Variants in UNC45B observed in about 807,000 individuals in gnomAD.
The protein encoded by UNC45B is unc-45 myosin chaperone B, also known as protein unc-45 homolog B.
Under a neutral mutation model 98.7 loss-of-function variants are expected in UNC45B, and 78 were observed. That is an observed-to-expected ratio of 0.79 (90% CI 0.66 to 0.95). UNC45B has a LOEUF of 0.95. Ranked by LOEUF, UNC45B falls within the 40% of genes least tolerant of loss-of-function variation. UNC45B has a pLI of 0.00. For synonymous variants in UNC45B, 462 were observed against 480.4 expected (o/e 0.96, Z 0.50); for missense variants, 1,225 against 1,184.9 (o/e 1.03, Z -0.50).
rs113779659 is a variant in UNC45B at position 35,168,665 on chromosome 17, T to G, written c.1452+304T>G. Among the ~76,000 whole-genome samples, 792 of 152,320 alleles carry G rather than the reference T, an allele frequency of 5.2e-3. 9 individuals are homozygous for G. Among genetic ancestry groups the G allele is most frequent in the African/African-American group, 0.018 (749 of 41,564 alleles). On this transcript the variant is annotated intron_variant, in intron 10 of 19. Transcript: ENST00000394570. Reference sequence around the variant, plus strand: ...CAGAGCAAATTCTGAAGAGTCACTTTCCTTAATCAGTTTCTATAAGGTATT... The same window carrying G: ...CAGAGCAAATTCTGAAGAGTCACTTGCCTTAATCAGTTTCTATAAGGTATT...
intron 14 of UNC45B, among the ~76,000 whole-genome samples, chr17:35,175,691 G>A (rs903227329): frequency 6.6e-6 from 1 of 152,182 alleles, no homozygotes; most frequent in African/African-American, 2.4e-5. Context: ...CATTGAAGTT[G>A]AAAAGCTTCT....
At chr17:35,183,910 G>A (rs947027387) in intron 19 of UNC45B, among the ~76,000 whole-genome samples, 14 of 152,142 alleles carry the variant, frequency 9.2e-5, no homozygotes, top group Non-Finnish European at 1.6e-4. Flanking sequence ...AGAGAAGCAC[G>A]GATGTGGTTG....
At chr17:35,181,505 T>G (rs928865048) in intron 18 of UNC45B, among the ~76,000 whole-genome samples, 6 of 152,128 alleles carry the variant, frequency 3.9e-5, no homozygotes, top group Admixed American at 3.3e-4. Context: ...TAAAGCCGAT[T>G]AAAGGCCAGG....
rs1012716400 is a variant in UNC45B, at chr17:35,170,515, G to A, written c.1689+260G>A. Among the ~76,000 whole-genome samples the A allele has an allele frequency of 2.3e-5, 3 of 132,916 alleles. No homozygotes were observed. In the East Asian group the frequency reaches 6.6e-4, roughly 29 times the overall value. 87.2% of individuals were successfully genotyped at this position (132,916 alleles called of 152,430 possible). A position where few individuals can be genotyped will look rare whatever the true frequency, so the allele number is the denominator to read the frequency against. On this transcript the variant is annotated intron_variant, in intron 12 of 19. Transcript: ENST00000394570. ...GGCCCTCAGGAGGTGAGGTCTTGAA[G>A]GACCTGAGGCAGCTAAAAAAAAAAA...
rs2091990253 is a variant in UNC45B, at chr17:35,148,361, T to C, written c.98T>C (p.Leu33Pro). 5.6e-6 allele frequency: 9 copies of C among 1,614,134 alleles called. No homozygotes were observed. The highest frequency in any genetic ancestry group is 7.6e-6 in the Non-Finnish European group (9 of 1,180,012). Residue 33 changes from leucine (L) to proline (P), a missense_variant, in exon 2 of 20, where the codon CTG (leucine) becomes CCG (proline). Transcript: ENST00000394570. Reference protein sequence around the residue: ...KAATNSYSQALKLTKDKALLA... With the variant: ...KAATNSYSQAPKLTKDKALLA... ...GCCACAAATAGCTACAGCCAGGCCC[T>C]GAAGCTGACCAAGGACAAGGCCCTG...
rs140333199 is a variant in UNC45B, at chr17:35,158,711, C to T, written c.809-664C>T. 1.4e-3 allele frequency among the ~76,000 whole-genome samples: 209 copies of T among 152,310 alleles called. No individual in the cohort carries two copies. The Middle Eastern group carries it at 0.031, about 22-fold the overall frequency. ...CTCATGACATGCCTCTGTCTGAAGA[C>T]GAACTGTCACATCTGCTTACATCTT... On this transcript the variant is annotated intron_variant, in intron 7 of 19. Coordinates refer to ENST00000394570, the MANE Select transcript of UNC45B (RefSeq NM_001267052.2).
intron 6 of UNC45B, 52 bp from the exon 7 acceptor site, chr17:35,155,244 A>G: frequency 6.3e-7 from 1 of 1,597,296 alleles, no homozygotes; most frequent in East Asian, 2.2e-5. Flanking sequence ...CCTGCATGGC[A>G]GCTAGAAGGG....
At chr17:35,169,744 TTC>T (rs1156282053) in intron 10 of UNC45B, 91 bp from the exon 11 acceptor site, 1 of 1,109,694 alleles carries the variant, frequency 9.0e-7, no homozygotes, top group African/African-American at 1.5e-5. Flanking sequence ...GGGCGAAGTG[TTC>T]TGGCCATAGA....
chr17:35,165,045 T>C (rs1228804698), intron 9 of UNC45B, among the ~76,000 whole-genome samples: 3 of 152,144 alleles, frequency 2.0e-5, no homozygotes, highest in Non-Finnish European at 4.4e-5. Flanking sequence ...TGGCTAATTT[T>C]TGTATTTTTT....
At chr17:35,180,078 G>T (rs1286964091) in intron 17 of UNC45B, among the ~76,000 whole-genome samples, 1 of 152,064 alleles carries the variant, frequency 6.6e-6, no homozygotes, top group African/African-American at 2.4e-5. Flanking sequence ...AAAAGTCTGG[G>T]GTAACAAGAT....
At chr17:35,178,942 C>A (rs1468200984) in intron 17 of UNC45B, among the ~76,000 whole-genome samples, 1 of 152,102 alleles carries the variant, frequency 6.6e-6, no homozygotes, top group Admixed American at 6.6e-5. Context: ...GTTACTGTAG[C>A]CTTGTAGTAT....
rs2092314682 is a variant in UNC45B, at chr17:35,188,155, A to G, written c.*1596A>G. 1 of 152,164 alleles carries G rather than the reference A, an allele frequency of 6.6e-6. No individual in the cohort carries two copies. The highest frequency in any genetic ancestry group is 2.1e-4 in the South Asian group (1 of 4,824). The allele number at this position is 152,164 out of a possible 1,614,324, so 9.4% of individuals were successfully genotyped here. On this transcript the variant is annotated 3_prime_UTR_variant, in exon 20 of 20. Transcript: ENST00000394570. ...TTACATACAGCCTACATTTTAACTA[A>G]CTCTTGCATGGGCTTGTTTCACAGC... is the stretch of plus-strand genomic sequence containing the variant.
At chr17:35,182,377 C>T (rs2092279494) in intron 18 of UNC45B, among the ~76,000 whole-genome samples, 1 of 152,188 alleles carries the variant, frequency 6.6e-6, no homozygotes, top group South Asian at 2.1e-4. Context: ...GCGTGAGCCA[C>T]CGCGCCCGGC....
rs2092311970 is a variant in UNC45B, at chr17:35,187,643, T to A, written c.*1084T>A. 6.6e-6 allele frequency: 1 copy of A among 152,200 alleles called. No homozygotes were observed. Among genetic ancestry groups the A allele is most frequent in the Non-Finnish European group, 1.5e-5 (1 of 68,036 alleles). The allele number at this position is 152,200 out of a possible 1,614,324, so 9.4% of individuals were successfully genotyped here. On this transcript the variant is annotated 3_prime_UTR_variant, in exon 20 of 20. Transcript: ENST00000394570. ...GAAATGAGCTTCATCCCTGTCCAAT[T>A]GACATGGACTGATTAGGGGTATTAA...
Position 35,183,658 on chromosome 17 carries a change from A to C in UNC45B, c.2529+76A>C, listed in dbSNP as rs986428367. 6 of 1,382,106 alleles carry C rather than the reference A, an allele frequency of 4.3e-6. No homozygotes were observed. The African/African-American group carries it at 8.8e-5, about 20-fold the overall frequency. 85.6% of individuals were successfully genotyped at this position (1,382,106 alleles called of 1,614,324 possible). The stretch of plus-strand genomic sequence containing the variant: ...CCCCACCCACAGACCACACTGGATG[A>C]TCCTCTGGGGAGGCCAACTCCTAAA... On this transcript the variant is annotated intron_variant, in intron 19 of 19. Coordinates refer to ENST00000394570, the MANE Select transcript of UNC45B (RefSeq NM_001267052.2).
intron 3 of UNC45B, 97 bp downstream of exon 3, chr17:35,149,106 T>C: frequency 7.1e-7 from 1 of 1,406,688 alleles, no homozygotes; most frequent in Non-Finnish European, 1.0e-6. Context: ...AAACAGTGAG[T>C]ATGGAGTGAC....
chr17:35,149,021 C>CAGGA lies in UNC45B; in HGVS notation c.205+12_205+13insAGGA, dbSNP rs761841911. On this transcript the variant is annotated intron_variant, in intron 3 of 19. Coordinates refer to ENST00000394570, the MANE Select transcript of UNC45B (RefSeq NM_001267052.2). ...AGATGCCTCCAGAGGTGAGCCCCTC[C>CAGGA]CACCTCCAAGCTTGCCCTGTCACAT... 1.2e-6 allele frequency: 2 copies of CAGGA among 1,614,112 alleles called. No individual in the cohort carries two copies. Among genetic ancestry groups the CAGGA allele is most frequent in the Non-Finnish European group, 1.7e-6 (2 of 1,179,998 alleles).
At chr17:35,180,700 G>T in intron 18 of UNC45B, 24 bp downstream of exon 18, 1 of 1,596,986 alleles carries the variant, frequency 6.3e-7, no homozygotes, top group South Asian at 1.1e-5. Context: ...TCAGGATGGA[G>T]ACCCGGGCGT....
intron 17 of UNC45B, among the ~76,000 whole-genome samples, chr17:35,179,633 G>A (rs1454425644): frequency 6.6e-6 from 1 of 152,118 alleles, no homozygotes; most frequent in Non-Finnish European, 1.5e-5. Context: ...CCATCATTCT[G>A]AGCAAACTAC....
Sources: allele counts gnomAD v4.1 joint callset (sites outside exome capture counted in the v4.1 genomes callset), GRCh38; gene constraint gnomAD v4.1.1; transcripts MANE v1.5; gene names NCBI Gene and HGNC (gene_info 2026-07-23, HGNC 2026-07-21).